PTGIS: variants seen among roughly 807,000 people sequenced by gnomAD.
The protein encoded by PTGIS is prostaglandin I2 synthase, also known as prostacyclin synthase.
PTGIS carries 45 observed loss-of-function variants against 50.3 expected under a neutral mutation model. The observed-to-expected ratio is 0.90, with a 90% CI of 0.70 to 1.15. The LOEUF (loss-of-function observed/expected upper bound fraction) is 1.15, where lower values mean the gene tolerates loss of function less well. Among genes scored for constraint, PTGIS ranks in the 50% most tolerant of loss-of-function variants. The pLI is 0.00. For synonymous variants in PTGIS, 260 were observed against 267.7 expected (o/e 0.97, Z 0.28); for missense variants, 668 against 661.3 (o/e 1.01, Z -0.11).
intron 8 of PTGIS, among the ~76,000 whole-genome samples, chr20:49,512,781 G>A (rs963562682): frequency 1.3e-5 from 2 of 152,282 alleles, no homozygotes; most frequent in South Asian, 4.1e-4. Context: ...CTGACTCCAA[G>A]AGAAGCTGTG....
At chr20:49,528,735 T>G (rs1198778303) in intron 5 of PTGIS, among the ~76,000 whole-genome samples, 1 of 152,180 alleles carries the variant, frequency 6.6e-6, no homozygotes, top group Non-Finnish European at 1.5e-5. Context: ...ACCCAAGAGT[T>G]ATCTATTGCT....
At position 49,563,490 on chromosome 20, in the gene PTGIS, G is replaced by C. The variant is rs560292457; in HGVS notation, c.74+4553C>G. Among the ~76,000 whole-genome samples the C allele has an allele frequency of 2.0e-5, 3 of 152,374 alleles. No individual in the cohort carries two copies. In the East Asian group the frequency reaches 5.8e-4, roughly 29 times the overall value. ...AACTAGAATAGCTGCATGCTGGAGA[G>C]GCAATAGGGAGTAGTGGGGACTGTG... On this transcript the variant is annotated intron_variant, in intron 1 of 9. Transcript: ENST00000244043.
In PTGIS at chr20:49,505,292, A is replaced by C. The variant is rs1483165856; in HGVS notation, c.*2628T>G. ...CCTAACTAGCGCATAGCAGGTAGCT[A>C]ACCCACTCATCTCTCCCTCTTTTCT... On this transcript the variant is annotated 3_prime_UTR_variant, in exon 10 of 10. Coordinates refer to ENST00000244043, the MANE Select transcript of PTGIS (RefSeq NM_000961.4). The C allele has an allele frequency of 6.6e-6, 1 of 152,150 alleles. No homozygotes were observed. Among genetic ancestry groups the C allele is most frequent in the Non-Finnish European group, 1.5e-5 (1 of 68,028 alleles). 9.4% of individuals were successfully genotyped at this position (152,150 alleles called of 1,614,324 possible).
At chr20:49,520,336 CT>C (rs57853650) in intron 6 of PTGIS, among the ~76,000 whole-genome samples, 6,821 of 146,012 alleles carry the variant, frequency 0.047, 407 homozygotes, top group African/African-American at 0.15. Context: ...CCCTCTAATA[CT>C]TTTTTTTTTT....
intron 1 of PTGIS, among the ~76,000 whole-genome samples, chr20:49,564,026 A>G (rs1408128995): frequency 6.6e-6 from 1 of 152,202 alleles, no homozygotes; most frequent in Non-Finnish European, 1.5e-5. Context: ...AGGCAAATCA[A>G]TTAGTTTCAA....
chr20:49,532,570 AC>A (rs1271310385), intron 5 of PTGIS, among the ~76,000 whole-genome samples: 1 of 152,240 alleles, frequency 6.6e-6, no homozygotes, highest in African/African-American at 2.4e-5. Context: ...CATCTAAAGC[AC>A]AGAGATGACT....
chr20:49,544,582 C>G, intron 3 of PTGIS, 134 bp from the exon 4 acceptor site: 1 of 899,620 alleles, frequency 1.1e-6, no homozygotes, highest in East Asian at 2.5e-5. Flanking sequence ...GGAAGAGTAG[C>G]TTAAATAAGA....
chr20:49,565,545 G>C (rs1982876451), intron 1 of PTGIS, among the ~76,000 whole-genome samples: 1 of 151,642 alleles, frequency 6.6e-6, no homozygotes, highest in South Asian at 2.1e-4. Flanking sequence ...CACACCTGTA[G>C]TCCCACCTAC....
chr20:49,567,966 T>C (rs901499096), intron 1 of PTGIS, 77 bp downstream of exon 1: 23 of 1,349,510 alleles, frequency 1.7e-5, no homozygotes, highest in Non-Finnish European at 2.1e-5. Flanking sequence ...GGCCGCGGGC[T>C]CCGAGACCCT....
chr20:49,533,736 C>T (rs902559454), intron 5 of PTGIS, among the ~76,000 whole-genome samples: 1 of 152,098 alleles, frequency 6.6e-6, no homozygotes, highest in African/African-American at 2.4e-5. Flanking sequence ...GCAGGCAGAT[C>T]ACTTGAGGTC....
chr20:49,530,996 T>A (rs1981920974), intron 5 of PTGIS, among the ~76,000 whole-genome samples: 1 of 152,148 alleles, frequency 6.6e-6, no homozygotes, highest in Non-Finnish European at 1.5e-5. Context: ...CTTGACCTCG[T>A]GATCTGCCCA....
At chr20:49,564,299 T>A (rs1372223618) in intron 1 of PTGIS, among the ~76,000 whole-genome samples, 1 of 152,194 alleles carries the variant, frequency 6.6e-6, no homozygotes, top group Non-Finnish European at 1.5e-5. Context: ...TTGCCCAGGC[T>A]GGAGTGCAAT....
At chr20:49,516,704 A>G (rs1981488497) in intron 6 of PTGIS, among the ~76,000 whole-genome samples, 1 of 152,194 alleles carries the variant, frequency 6.6e-6, no homozygotes, top group African/African-American at 2.4e-5. Flanking sequence ...AGGAGGAACC[A>G]CACTCCTCTG....
At position 49,550,158 on chromosome 20, in the gene PTGIS, T is replaced by C; in HGVS notation, c.106A>G (p.Ser36Gly). The change falls in exon 2 of 10, where the codon AGC becomes GGC. Residue 36 changes from serine (S) to glycine (G), a missense_variant. By Grantham distance (56) the Ser-to-Gly change is moderately conservative (BLOSUM62 0). Coordinates refer to ENST00000244043, the MANE Select transcript of PTGIS (RefSeq NM_000961.4). ...AAGGCATACCCCAACCAGGGGATGC[T>C]GCCCAGGTCCAGGGGAGGCTCACCA... ...RPGEPPLDLG[S>G]IPWLGYALDF... 1 of 1,613,888 alleles carries C rather than the reference T, an allele frequency of 6.2e-7. No homozygotes were observed. Among genetic ancestry groups the C allele is most frequent in the Non-Finnish European group, 8.5e-7 (1 of 1,180,030 alleles).
chr20:49,510,996 C>T, intron 9 of PTGIS, 32 bp downstream of exon 9: 5 of 1,606,410 alleles, frequency 3.1e-6, no homozygotes, highest in Non-Finnish European at 3.4e-6. Context: ...GGATCAGGAG[C>T]CACCCTGGCC....
At chr20:49,519,735 C>T (rs1036004447) in intron 6 of PTGIS, among the ~76,000 whole-genome samples, 3 of 152,188 alleles carry the variant, frequency 2.0e-5, no homozygotes, top group Admixed American at 1.3e-4. Context: ...GAAACTTCCT[C>T]CTCCCGCCAT....
At chr20:49,522,785 G>A (rs903172044) in intron 6 of PTGIS, among the ~76,000 whole-genome samples, 7 of 152,178 alleles carry the variant, frequency 4.6e-5, no homozygotes, top group Non-Finnish European at 8.8e-5. Context: ...AGCACCTTGG[G>A]AGGCTGAGGC....
rs549064221 is a variant in PTGIS at position 49,553,497 on chromosome 20, ATG to A, written c.75-3310_75-3309del. Among the ~76,000 whole-genome samples the A allele has an allele frequency of 4.1e-3, 620 of 152,176 alleles. 1 individual carries two copies. Among genetic ancestry groups the A allele is most frequent in the Non-Finnish European group, 6.6e-3 (451 of 67,904 alleles). ...CTATTTTAAAAAATTAATTAGGTAA[ATG>A]TAATGAAATAAATGCTTATAAATAA... On this transcript the variant is annotated intron_variant, in intron 1 of 9. Coordinates refer to ENST00000244043, the MANE Select transcript of PTGIS (RefSeq NM_000961.4).
Position 49,568,121 on chromosome 20 carries a change from G to GGGCTGGCGA in PTGIS, c.-6_-5insTCGCCAGCC. ...GAGGAGCGCGGCCCAAGCCATCGCG[G>GGGCTGGCGA]GGCTGGCGGGGCTGGCGGGGCTGGC... On this transcript the variant is annotated 5_prime_UTR_variant, in exon 1 of 10. Transcript: ENST00000244043. 2 of 1,062,216 alleles carry GGGCTGGCGA rather than the reference G, an allele frequency of 1.9e-6. No individual in the cohort carries two copies. Among genetic ancestry groups the GGGCTGGCGA allele is most frequent in the South Asian group, 2.4e-5 (1 of 42,274 alleles). 65.8% of individuals were successfully genotyped at this position (1,062,216 alleles called of 1,614,324 possible).
Sources: allele counts gnomAD v4.1 joint callset (sites outside exome capture counted in the v4.1 genomes callset), GRCh38; gene constraint gnomAD v4.1.1; transcripts MANE v1.5; gene names NCBI Gene and HGNC (gene_info 2026-07-23, HGNC 2026-07-21).